Variants in CENPF observed in about 807,000 individuals in gnomAD.
The protein encoded by CENPF is centromere protein F.
In CENPF, 214 loss-of-function variants were observed where a neutral mutation model predicts 307.3. The ratio of observed to expected loss-of-function variants is 0.70; its 90% CI spans 0.62 to 0.78. The LOEUF is 0.78. CENPF is among the 30% of genes least tolerant of loss of function. The probability of loss-of-function intolerance (pLI) is 0.00; values close to 1 mark genes in which losing one functional copy is unlikely to be tolerated. For missense variants in CENPF, 3,401 were observed against 3,483.9 expected (o/e 0.98, Z 0.60); for synonymous variants, 1,259 against 1,270.6 (o/e 0.99, Z 0.19).
Position 214,655,376 on chromosome 1 carries a change from C to A in CENPF, c.8458C>A (p.Gln2820Lys). The change falls in exon 17 of 20, where the codon CAA (glutamine) becomes AAA (lysine). Residue 2820 changes from glutamine (Q) to lysine (K), a missense_variant. Gln to Lys is a moderately conservative substitution (Grantham distance 53). Transcript: ENST00000366955. ...EILQKELSQL[Q>K]AAQEKQKTGT... ...ACTGCAGAAAGAACTCTCTCAACTT[C>A]AAGCTGCACAGGAGAAGCAGAAAAC... 1 of 1,605,764 alleles carries A rather than the reference C, an allele frequency of 6.2e-7. No individual in the cohort carries two copies. Among genetic ancestry groups the A allele is most frequent in the Non-Finnish European group, 8.5e-7 (1 of 1,176,860 alleles).
At chr1:214,608,480 C>T in intron 1 of CENPF, 1 of 1,612,852 alleles carries the variant, frequency 6.2e-7, no homozygotes, top group East Asian at 2.2e-5. Context: ...AGGTCCACGG[C>T]ATTGCTGTGC....
At chr1:214,656,656 C>T (rs569902830) in intron 17 of CENPF, among the ~76,000 whole-genome samples, 7 of 152,252 alleles carry the variant, frequency 4.6e-5, no homozygotes, top group South Asian at 2.1e-4. Flanking sequence ...GCTGCAAGAA[C>T]GTTTAATGAG....
At position 214,628,917 on chromosome 1, in the gene CENPF, C is replaced by A. The variant is rs147009382; in HGVS notation, c.1069-129C>A. 467 of 652,176 alleles carry A rather than the reference C, an allele frequency of 7.2e-4. 5 individuals carry two copies. The African/African-American group carries it at 7.3e-3, about 10-fold the overall frequency. 40.4% of individuals were successfully genotyped at this position (652,176 alleles called of 1,614,324 possible). On this transcript the variant is annotated intron_variant, in intron 7 of 19. Coordinates refer to ENST00000366955, the MANE Select transcript of CENPF (RefSeq NM_016343.4). ...ATTTAAGTGGGCTAATGCTTTACAT[C>A]CTTGCTAATAGTTCCTAAACATAAA...
chr1:214,643,096 G>A lies in CENPF; in HGVS notation c.4758G>A (p.Gln1586=), dbSNP rs746458600. 6.2e-7 allele frequency: 1 copy of A among 1,607,226 alleles called. No homozygotes were observed. Among genetic ancestry groups the A allele is most frequent in the South Asian group, 1.1e-5 (1 of 90,244 alleles). ...MKNKEIQELE[Q]LLSSERQELD... is the part of the protein sequence containing the mutation. ...ATAAGGAAATTCAAGAGCTCGAGCA[G>A]TTATTAAGTTCTGAAAGGCAAGAGC... Residue 1586 remains glutamine, a synonymous_variant, in exon 12 of 20, where the codon CAG becomes CAA. Coordinates refer to ENST00000366955, the MANE Select transcript of CENPF (RefSeq NM_016343.4).
Position 214,662,252 on chromosome 1 carries a change from T to TA in CENPF, c.9142-1325dup, listed in dbSNP as rs1165865286. 4.1e-3 allele frequency among the ~76,000 whole-genome samples: 589 copies of TA among 142,192 alleles called. 3 individuals are homozygous for TA. The highest frequency in any genetic ancestry group is 0.018 in the Middle Eastern group (5 of 276). 93.3% of individuals were successfully genotyped at this position (142,192 alleles called of 152,430 possible). ...TGTCTTTGGAATCACTATTTCTCTT[T>TA]AAAAAAAAAAAAAAGTACCAGCAAA... is the stretch of plus-strand genomic sequence containing the variant. On this transcript the variant is annotated intron_variant, in intron 19 of 19. Coordinates refer to ENST00000366955, the MANE Select transcript of CENPF (RefSeq NM_016343.4).
Position 214,645,837 on chromosome 1 carries a change from C to T in CENPF, c.6267C>T (p.Val2089=). ...LSESDYEKLN[V]SKALEAALVE... The stretch of plus-strand genomic sequence containing the variant: ...AATCAGATTATGAAAAGCTGAATGT[C>T]TCCAAGGCCTTGGAGGCCGCACTGG... The change falls in exon 13 of 20, where the codon GTC becomes GTT. Residue 2089 remains valine, a synonymous_variant. Coordinates refer to ENST00000366955, the MANE Select transcript of CENPF (RefSeq NM_016343.4). 1.2e-6 allele frequency: 2 copies of T among 1,614,162 alleles called. No individual in the cohort carries two copies. Among genetic ancestry groups the T allele is most frequent in the South Asian group, 1.1e-5 (1 of 91,086 alleles).
At chr1:214,631,388 A>G (rs1245986470) in intron 9 of CENPF, among the ~76,000 whole-genome samples, 3 of 151,858 alleles carry the variant, frequency 2.0e-5, no homozygotes, top group African/African-American at 7.3e-5. Context: ...CGGGGCAGGT[A>G]TCTTTGTGTA....
At position 214,645,883 on chromosome 1, in the gene CENPF, T is replaced by C; in HGVS notation, c.6313T>C (p.Leu2105=). Residue 2105 remains leucine, a synonymous_variant, in exon 13 of 20, where the codon TTG becomes CTG. Coordinates refer to ENST00000366955, the MANE Select transcript of CENPF (RefSeq NM_016343.4). ...AALVEKGEFA[L]RLSSTQEEVH... Reference sequence around the variant, plus strand: ...ACTGGTGGAGAAAGGTGAGTTCGCATTGAGGCTGAGCTCAACACAGGAGGA... The same window carrying C: ...ACTGGTGGAGAAAGGTGAGTTCGCACTGAGGCTGAGCTCAACACAGGAGGA... 1 of 1,614,122 alleles carries C rather than the reference T, an allele frequency of 6.2e-7. No homozygotes were observed. The highest frequency in any genetic ancestry group is 8.5e-7 in the Non-Finnish European group (1 of 1,180,024).
chr1:214,663,391 C>T (rs1658834158), intron 19 of CENPF, among the ~76,000 whole-genome samples, 200 bp from the exon 20 acceptor site: 1 of 152,154 alleles, frequency 6.6e-6, no homozygotes, highest in Admixed American at 6.5e-5. Context: ...CGTCTGATGA[C>T]TGGTTAGAGG....
At position 214,652,998 on chromosome 1, in the gene CENPF, A is replaced by C; in HGVS notation, c.8322+9A>C. On this transcript the variant is annotated intron_variant, in intron 16 of 19. Transcript: ENST00000366955. Reference sequence around the variant, plus strand: ...AATTGAAGAAAACCAAGGTATGTTCACTTTAATTTGCTTCATGATTTCGAA... The same window carrying C: ...AATTGAAGAAAACCAAGGTATGTTCCCTTTAATTTGCTTCATGATTTCGAA... 1 of 1,598,062 alleles carries C rather than the reference A, an allele frequency of 6.3e-7. No homozygotes were observed. Among genetic ancestry groups the C allele is most frequent in the Non-Finnish European group, 8.5e-7 (1 of 1,170,452 alleles).
Position 214,642,380 on chromosome 1 carries a change from A to C in CENPF, c.4042A>C (p.Ile1348Leu). Residue 1348 changes from isoleucine to leucine, a missense_variant, in exon 12 of 20, where the codon ATA becomes CTA. Coordinates refer to ENST00000366955, the MANE Select transcript of CENPF (RefSeq NM_016343.4). ...EVGKLLNEVK[I>L]LNDDSGLLHG... ...AGGGAAACTACTAAATGAAGTTAAA[A>C]TATTAAATGATGACAGTGGTCTTCT... 6.2e-7 allele frequency: 1 copy of C among 1,610,464 alleles called. No individual in the cohort carries two copies. The highest frequency in any genetic ancestry group is 8.5e-7 in the Non-Finnish European group (1 of 1,178,670).
chr1:214,635,734 G>A (rs1027691434), intron 10 of CENPF, among the ~76,000 whole-genome samples: 4 of 152,078 alleles, frequency 2.6e-5, no homozygotes, highest in African/African-American at 7.2e-5. Context: ...AAATATTTAC[G>A]GAGCTAATGC....
chr1:214,615,031 A>T lies in CENPF; in HGVS notation c.359+3A>T. 6.3e-7 allele frequency: 1 copy of T among 1,589,254 alleles called. No individual in the cohort carries two copies. Among genetic ancestry groups the T allele is most frequent in the Middle Eastern group, 1.8e-4 (1 of 5,596 alleles). On this transcript the variant is annotated splice_donor_region_variant and intron_variant, in intron 3 of 19. Coordinates refer to ENST00000366955, the MANE Select transcript of CENPF (RefSeq NM_016343.4). Reference sequence around the variant, plus strand: ...AAACTGGAACAGGAACTTAAAAGGTAATATTTTGGGATGGTATTTATAGGG... The same window carrying T: ...AAACTGGAACAGGAACTTAAAAGGTTATATTTTGGGATGGTATTTATAGGG...
chr1:214,645,239 A>G lies in CENPF; in HGVS notation c.5669A>G (p.Asn1890Ser), dbSNP rs1264073090. 1.2e-6 allele frequency: 2 copies of G among 1,613,980 alleles called. No individual in the cohort carries two copies. The highest frequency in any genetic ancestry group is 1.3e-5 in the African/African-American group (1 of 74,918). Residue 1890 changes from asparagine to serine, a missense_variant, in exon 13 of 20, where the codon AAT (asparagine) becomes AGT (serine). By Grantham distance (46) the Asn-to-Ser change is conservative. Coordinates refer to ENST00000366955, the MANE Select transcript of CENPF (RefSeq NM_016343.4). The stretch of plus-strand genomic sequence containing the variant: ...ATTGGAGATAATGTGGCCAAGGTGA[A>G]TGACAGCTGGAAGGAGAGATTTCTT... ...EDIGDNVAKV[N>S]DSWKERFLDV...
Position 214,609,702 on chromosome 1 carries a change from C to T in CENPF, c.-41-4012C>T, listed in dbSNP as rs532532971. 3.4e-4 allele frequency among the ~76,000 whole-genome samples: 52 copies of T among 152,254 alleles called. 1 individual carries two copies. In the South Asian group the frequency reaches 0.01, roughly 30 times the overall value. On this transcript the variant is annotated intron_variant, in intron 1 of 19. Transcript: ENST00000366955. ...TGTTGCCCAGGTACTAAGCCTAATA[C>T]TCAATAGTTATTTTTTCTTCTGCTC...
chr1:214,643,774 T>C (rs185546137), intron 12 of CENPF, among the ~76,000 whole-genome samples: 69 of 152,348 alleles, frequency 4.5e-4, no homozygotes, highest in African/African-American at 1.6e-3. Context: ...GCAGATTCTT[T>C]ATGTATTACT....
chr1:214,620,592 AAAAT>A (rs1657476678), intron 5 of CENPF, 59 bp from the exon 6 acceptor site: 1 of 1,489,840 alleles, frequency 6.7e-7, no homozygotes, highest in African/African-American at 1.4e-5. Flanking sequence ...ATTCTATCTG[AAAAT>A]AAATAGCCTT....
rs1658141245 is a variant in CENPF at position 214,642,197 on chromosome 1, G to A, written c.3859G>A (p.Ala1287Thr). Residue 1287 changes from alanine to threonine, a missense_variant, in exon 12 of 20, where the codon GCA becomes ACA. Physicochemically the swap from Ala to Thr is moderately conservative, Grantham distance 58 (BLOSUM62 0). Coordinates refer to ENST00000366955, the MANE Select transcript of CENPF (RefSeq NM_016343.4). ...HELSTSQNDN[A>T]HLQCSLQTTM... is the part of the protein sequence containing the mutation. ...GTTGTCAACAAGTCAAAACGACAAT[G>A]CACACCTTCAGTGCTCTCTGCAAAC... 1 of 1,614,154 alleles carries A rather than the reference G, an allele frequency of 6.2e-7. No individual in the cohort carries two copies. Among genetic ancestry groups the A allele is most frequent in the Non-Finnish European group, 8.5e-7 (1 of 1,180,028 alleles).
chr1:214,653,838 A>G (rs1445837709), intron 16 of CENPF: 1 of 152,224 alleles, frequency 6.6e-6, no homozygotes, highest in Non-Finnish European at 1.5e-5. Context: ...TGCTGCTACA[A>G]AATGAGATGT....
Sources: allele counts gnomAD v4.1 joint callset (sites outside exome capture counted in the v4.1 genomes callset), GRCh38; gene constraint gnomAD v4.1.1; transcripts MANE v1.5; gene names NCBI Gene and HGNC (gene_info 2026-07-23, HGNC 2026-07-21).